OXNAD1: variants seen among roughly 807,000 people sequenced by gnomAD.
OXNAD1 encodes oxidoreductase NAD-binding domain-containing protein 1.
Under a neutral mutation model 32.9 loss-of-function variants are expected in OXNAD1, and 34 were observed. The observed-to-expected ratio is 1.03, with a 90% CI of 0.79 to 1.38. The LOEUF (loss-of-function observed/expected upper bound fraction) is 1.38. Ranked by LOEUF, OXNAD1 falls within the 40% of genes most tolerant of loss-of-function variation. The probability of loss-of-function intolerance (pLI) is 0.00; values close to 1 mark genes in which losing one functional copy is unlikely to be tolerated. For synonymous variants in OXNAD1, 134 were observed against 135.2 expected, an observed-to-expected ratio of 0.99 and a Z score of 0.06; for missense variants, 407 against 379.4, an observed-to-expected ratio of 1.07 and a Z score of -0.60.
At chr3:16,324,548 G>A (rs1224119037) in intron 9 of OXNAD1, among the ~76,000 whole-genome samples, 1 of 149,380 alleles carries the variant, frequency 6.7e-6, no homozygotes, top group Non-Finnish European at 1.5e-5. Context: ...TTCTGTGCCT[G>A]GTTTATTTCA....
At position 16,348,139 on chromosome 3, in the gene OXNAD1, T is replaced by C. The variant is rs1416248381; in HGVS notation, c.*31-1037T>C. On this transcript the variant is annotated intron_variant, in intron 9 of 9. Coordinates refer to the OXNAD1 transcript ENST00000606098. This position sits in a 1 kb window ranked among gnomAD's most constrained non-coding sequence, Gnocchi z 6.3. ...GACCACCTCGGAGCACTTGTGGCTC[T>C]TGTTGCTTAAAGCAGGGCAGGCTCC... 1 of 152,144 alleles carries C rather than the reference T, an allele frequency of 6.6e-6. No homozygotes were observed. The highest frequency in any genetic ancestry group is 2.4e-5 in the African/African-American group (1 of 41,428). 9.4% of individuals were successfully genotyped at this position (152,144 alleles called of 1,614,324 possible).
At chr3:16,332,832 G>A (rs77503351) in intron 9 of OXNAD1, among the ~76,000 whole-genome samples, 3 of 121,414 alleles carry the variant, frequency 2.5e-5, no homozygotes, top group Non-Finnish European at 5.3e-5. Flanking sequence ...TGTGGGCATC[G>A]ATTTATCTAC....
intron 9 of OXNAD1, among the ~76,000 whole-genome samples, chr3:16,333,044 A>G (rs577877608): frequency 1.1e-4 from 17 of 152,368 alleles, no homozygotes; most frequent in Admixed American, 9.8e-4. Flanking sequence ...ATTCATGAAC[A>G]TTGAACTTGC....
Position 16,345,203 on chromosome 3 carries a change from G to A in OXNAD1, c.*31-3973G>A, listed in dbSNP as rs548187945. ...TGTTTTGAGACCCTAAGCAGCAGAC[G>A]ACCCAGTTCAGCCCACCTGGATTTC... On this transcript the variant is annotated intron_variant, in intron 9 of 9. Coordinates refer to the OXNAD1 transcript ENST00000606098. This position sits in a 1 kb window ranked among gnomAD's most constrained non-coding sequence, Gnocchi z 5.2. The A allele has an allele frequency of 4.6e-5, 7 of 152,042 alleles. No homozygotes were observed. The highest frequency in any genetic ancestry group is 3.9e-4 in the East Asian group (2 of 5,186). 9.4% of individuals were successfully genotyped at this position (152,042 alleles called of 1,614,324 possible).
In OXNAD1 at chr3:16,317,726, G is replaced by A. The variant is rs576665093; in HGVS notation, c.*30+14134G>A. On this transcript the variant is annotated intron_variant, in intron 9 of 9. Transcript: ENST00000435829. This position sits in a 1 kb window ranked among gnomAD's most constrained non-coding sequence, Gnocchi z 4.3. ...CATGGGGCAGACACTGTGCTGTACC[G>A]CTCAGATCCCCCCACAGGACTGGCG... 5.3e-5 allele frequency among the ~76,000 whole-genome samples: 8 copies of A among 151,930 alleles called. No individual in the cohort carries two copies. The South Asian group carries it at 1.0e-3, about 20-fold the overall frequency.
Position 16,335,767 on chromosome 3 carries a change from C to G in OXNAD1, c.*31-1345C>G, listed in dbSNP as rs961556398. ...AGCCTGCATATCCTGCACTTGCACC[C>G]TGGAACTTTAAAAAAAAAAAAAAAA... On this transcript the variant is annotated intron_variant, in intron 9 of 9. Coordinates refer to the OXNAD1 transcript ENST00000435829. The surrounding 1 kb of genome is among the most constrained non-coding windows in gnomAD (Gnocchi z 4.7). Among the ~76,000 whole-genome samples, 1 of 144,770 alleles carries G rather than the reference C, an allele frequency of 6.9e-6. No individual in the cohort carries two copies. The highest frequency in any genetic ancestry group is 2.7e-5 in the African/African-American group (1 of 37,128). The allele number at this position is 144,770 out of a possible 152,430, so 95.0% of individuals were successfully genotyped here. A position where few individuals can be genotyped will look rare whatever the true frequency, so the allele number is the denominator to read the frequency against.
At position 16,303,295 on chromosome 3, in the gene OXNAD1, T is replaced by A; in HGVS notation, c.785-113T>A. On this transcript the variant is annotated intron_variant, in intron 8 of 8. Transcript: ENST00000285083. The surrounding 1 kb of genome is among the most constrained non-coding windows in gnomAD (Gnocchi z 4.8). The stretch of plus-strand genomic sequence containing the variant: ...CATACTGTGAATGGCTTAAGAAGAC[T>A]AGACTCACTGAACTTGGAAATAAAC... 1 of 1,248,926 alleles carries A rather than the reference T, an allele frequency of 8.0e-7. No homozygotes were observed. Among genetic ancestry groups the A allele is most frequent in the Non-Finnish European group, 1.1e-6 (1 of 882,076 alleles). 77.4% of individuals were successfully genotyped at this position (1,248,926 alleles called of 1,614,324 possible). A position where few individuals can be genotyped will look rare whatever the true frequency, so the allele number is the denominator to read the frequency against.
chr3:16,323,264 C>G (rs2069287509), intron 9 of OXNAD1: 2 of 746,558 alleles, frequency 2.7e-6, no homozygotes, highest in African/African-American at 1.8e-5. Context: ...GTTCCTTGGG[C>G]TCTGCGAGCC....
rs1162932851 is a variant in OXNAD1 at position 16,302,529 on chromosome 3, G to A, written c.676-111G>A. On this transcript the variant is annotated intron_variant, in intron 7 of 8. Coordinates refer to ENST00000285083, the MANE Select transcript of OXNAD1 (RefSeq NM_138381.5). This position sits in a 1 kb window ranked among gnomAD's most constrained non-coding sequence, Gnocchi z 4.2. Reference sequence around the variant, plus strand: ...AACAATATCTCTCTAAGTAGAGAGCGAGAGCGGCAGACGTGTGCAGAATGG... The same window carrying A: ...AACAATATCTCTCTAAGTAGAGAGCAAGAGCGGCAGACGTGTGCAGAATGG... 1.3e-5 allele frequency: 9 copies of A among 707,810 alleles called. No individual in the cohort carries two copies. Among genetic ancestry groups the A allele is most frequent in the South Asian group, 5.3e-5 (3 of 56,752 alleles). The allele number at this position is 707,810 out of a possible 1,614,324, so 43.8% of individuals were successfully genotyped here.
In OXNAD1 at chr3:16,271,233, T is replaced by G. The variant is rs2064913972; in HGVS notation, c.119+162T>G. 1 of 847,380 alleles carries G rather than the reference T, an allele frequency of 1.2e-6. No homozygotes were observed. Among genetic ancestry groups the G allele is most frequent in the Non-Finnish European group, 1.8e-6 (1 of 555,266 alleles). 52.5% of individuals were successfully genotyped at this position (847,380 alleles called of 1,614,324 possible). ...CGTTTTTTTTGTCTGAGATGGAGTC[T>G]TGCTCCGTCGCCTGGGCTGGAGTGC... On this transcript the variant is annotated intron_variant, in intron 3 of 8. Coordinates refer to ENST00000285083, the MANE Select transcript of OXNAD1 (RefSeq NM_138381.5). This position sits in a 1 kb window ranked among gnomAD's most constrained non-coding sequence, Gnocchi z 4.6.
chr3:16,274,804 C>T (rs1450943819), intron 4 of OXNAD1, among the ~76,000 whole-genome samples: 2 of 152,080 alleles, frequency 1.3e-5, no homozygotes, highest in African/African-American at 2.4e-5. Context: ...ATGACCGAAT[C>T]GTACCATTTA....
At position 16,302,730 on chromosome 3, in the gene OXNAD1, C is replaced by A; in HGVS notation, c.766C>A (p.Leu256Ile). ...TKQTTQINAE[L>I]KPYITEGRIT... ...ACAGACTACACAAATCAATGCGGAA[C>A]TCAAGCCATACATCACGGGTGAGTC... Residue 256 changes from leucine to isoleucine, a missense_variant, in exon 8 of 9, where the codon CTC becomes ATC. By Grantham distance (5) the Leu-to-Ile change is conservative. Transcript: ENST00000285083. This position sits in a 1 kb window ranked among gnomAD's most constrained non-coding sequence, Gnocchi z 4.2. The A allele has an allele frequency of 6.2e-7, 1 of 1,611,728 alleles. No individual in the cohort carries two copies. The highest frequency in any genetic ancestry group is 8.5e-7 in the Non-Finnish European group (1 of 1,178,086).
Position 16,301,569 on chromosome 3 carries a change from A to G in OXNAD1, c.433-57A>G, listed in dbSNP as rs1194627538. On this transcript the variant is annotated intron_variant, in intron 6 of 8. Coordinates refer to ENST00000285083, the MANE Select transcript of OXNAD1 (RefSeq NM_138381.5). The surrounding 1 kb of genome is among the most constrained non-coding windows in gnomAD (Gnocchi z 4.1). ...AGACCCAGTTTTATTAAAGTAGAACATTTGGTTTAAGACCTTTGCTACAAA... is the reference window on the plus strand; with the variant it reads ...AGACCCAGTTTTATTAAAGTAGAACGTTTGGTTTAAGACCTTTGCTACAAA... The G allele has an allele frequency of 1.3e-6, 2 of 1,588,374 alleles. No individual in the cohort carries two copies. The highest frequency in any genetic ancestry group is 3.5e-5 in the Admixed American group (2 of 57,542).
downstream of OXNAD1, among the ~76,000 whole-genome samples, chr3:16,310,242 T>TA (rs2067871358): frequency 6.6e-6 from 1 of 152,236 alleles, no homozygotes; most frequent in Non-Finnish European, 1.5e-5. Context: ...ACGCATTTTG[T>TA]GGACCTAGAA....
At chr3:16,296,710 G>GA (rs1306956714) in intron 6 of OXNAD1, among the ~76,000 whole-genome samples, 3 of 152,032 alleles carry the variant, frequency 2.0e-5, no homozygotes, top group African/African-American at 7.2e-5. Context: ...AGATTCAATG[G>GA]AAAAATTGAA....
rs959539131 is a variant in OXNAD1, at chr3:16,320,138, A to G, written c.*30+16546A>G. ...AGGAGCCAATGGATTTAATTTGCAC[A>G]TTTTAAAAACTGCCCATGATGTGTC... On this transcript the variant is annotated intron_variant, in intron 9 of 9. Transcript: ENST00000435829. The surrounding 1 kb of genome is among the most constrained non-coding windows in gnomAD (Gnocchi z 4.5). 1.3e-5 allele frequency among the ~76,000 whole-genome samples: 2 copies of G among 152,208 alleles called. No individual in the cohort carries two copies. Among genetic ancestry groups the G allele is most frequent in the East Asian group, 1.9e-4 (1 of 5,202 alleles).
intron 9 of OXNAD1, among the ~76,000 whole-genome samples, chr3:16,330,915 T>G (rs778703965): frequency 1.9e-4 from 29 of 152,364 alleles, no homozygotes; most frequent in Non-Finnish European, 2.4e-4. Flanking sequence ...GTGAGAAAGT[T>G]TGCATTCTGA....
rs2070044096 is a variant in OXNAD1, at chr3:16,329,202, C to T, written c.*31-7910C>T. 6.6e-6 allele frequency among the ~76,000 whole-genome samples: 1 copy of T among 152,220 alleles called. No individual in the cohort carries two copies. The highest frequency in any genetic ancestry group is 1.5e-5 in the Non-Finnish European group (1 of 68,044). On this transcript the variant is annotated intron_variant, in intron 9 of 9. Transcript: ENST00000435829. This position sits in a 1 kb window ranked among gnomAD's most constrained non-coding sequence, Gnocchi z 4.5. ...CTCGGGATGACGCAGCAAGAAGGCC[C>T]TCACAAGATGCCAGGCCCTCGACCT...
At chr3:16,342,157 A>ACC (rs889946083), downstream of OXNAD1, among the ~76,000 whole-genome samples, 1 of 151,370 alleles carries the variant, frequency 6.6e-6, no homozygotes. The surrounding 1 kb of genome is among the most constrained non-coding windows in gnomAD (Gnocchi z 4.0). Flanking sequence ...CACTTTCATC[A>ACC]CCCCCCACAC....
Sources: allele counts gnomAD v4.1 joint callset (sites outside exome capture counted in the v4.1 genomes callset), GRCh38; gene constraint gnomAD v4.1.1; non-coding constraint Gnocchi (gnomAD v3.1); transcripts MANE v1.5; gene names NCBI Gene and HGNC (gene_info 2026-07-23, HGNC 2026-07-21).